The following CDK14 variants were observed in gnomAD, a reference collection of about 807,000 sequenced individuals.
CDK14 encodes the protein cyclin dependent kinase 14, also known as cyclin-dependent kinase 14.
A neutral mutation model predicts 60.7 loss-of-function variants in CDK14; 34 were observed. That is an observed-to-expected ratio of 0.56 (90% CI 0.43 to 0.75). The LOEUF is 0.75. Among genes scored for constraint, CDK14 ranks in the 30% least tolerant of loss-of-function variants. The pLI is 0.00. For missense variants in CDK14, 482 were observed against 564.1 expected (o/e 0.85, Z 1.47); for synonymous variants, 197 against 203.7 (o/e 0.97, Z 0.28).
intron 5 of CDK14, among the ~76,000 whole-genome samples, chr7:90,815,256 TTG>T (rs1158859153): frequency 1.3e-5 from 2 of 152,216 alleles, no homozygotes; most frequent in Admixed American, 6.5e-5. Flanking sequence ...AGAGTGCAGT[TTG>T]TGTTTCAATA....
chr7:91,038,899 A>G (rs1036401114), intron 10 of CDK14, among the ~76,000 whole-genome samples: 19 of 151,920 alleles, frequency 1.3e-4, no homozygotes, highest in Admixed American at 2.6e-4. Context: ...TGATTGTGAG[A>G]CCTCCCCAGC....
At chr7:90,612,136 A>G (rs1799552536) in intron 2 of CDK14, among the ~76,000 whole-genome samples, 1 of 152,038 alleles carries the variant, frequency 6.6e-6, no homozygotes, top group Admixed American at 6.5e-5. Flanking sequence ...CCTGGCTTCA[A>G]ACAGTTATCT....
intron 10 of CDK14, among the ~76,000 whole-genome samples, chr7:91,012,093 G>C (rs1415101936): frequency 2.0e-5 from 3 of 152,084 alleles, no homozygotes; most frequent in African/African-American, 7.2e-5. Context: ...CAAGTTACTT[G>C]AAACTGTTTC....
At chr7:90,817,605 T>G (rs142273489) in intron 5 of CDK14, among the ~76,000 whole-genome samples, 2,454 of 152,328 alleles carry the variant, frequency 0.016, 22 homozygotes, top group Middle Eastern at 0.027. Context: ...TTTGTTTGTT[T>G]TAAGAATTGA....
intron 3 of CDK14, among the ~76,000 whole-genome samples, chr7:90,744,056 C>T (rs1371946977): frequency 6.6e-6 from 1 of 151,508 alleles, no homozygotes; most frequent in Non-Finnish European, 1.5e-5. Context: ...GTGTTTCTCG[C>T]AGAGGGGGAT....
chr7:91,075,172 G>C (rs1373585437), intron 11 of CDK14, among the ~76,000 whole-genome samples: 1 of 152,054 alleles, frequency 6.6e-6, no homozygotes, highest in African/African-American at 2.4e-5. Context: ...ACCAAAACCA[G>C]GTGGAAACAC....
chr7:91,089,309 C>G (rs1015119792), intron 12 of CDK14, among the ~76,000 whole-genome samples: 3 of 152,086 alleles, frequency 2.0e-5, no homozygotes, highest in Admixed American at 2.0e-4. Context: ...GGGAAAACGG[C>G]ATGATAGGAC....
intron 12 of CDK14, among the ~76,000 whole-genome samples, chr7:91,079,973 G>A (rs1798437837): frequency 6.6e-6 from 1 of 152,082 alleles, no homozygotes; most frequent in Non-Finnish European, 1.5e-5. Context: ...TCTCTCATCT[G>A]ACCTTACTTC....
chr7:90,683,033 C>G (rs1563043344), intron 2 of CDK14, among the ~76,000 whole-genome samples: 1 of 152,042 alleles, frequency 6.6e-6, no homozygotes, highest in Non-Finnish European at 1.5e-5. Context: ...TATTTTTTCC[C>G]CTTGCTACTG....
chr7:90,912,537 A>G (rs551808598), intron 7 of CDK14, among the ~76,000 whole-genome samples: 1 of 152,292 alleles, frequency 6.6e-6, no homozygotes, highest in South Asian at 2.1e-4. Context: ...CATTTGTTTA[A>G]ACAAAAGGAA....
intron 14 of CDK14, among the ~76,000 whole-genome samples, chr7:91,148,448 C>T (rs187799484): frequency 6.0e-4 from 91 of 152,270 alleles, no homozygotes; most frequent in South Asian, 1.7e-3. Flanking sequence ...CTTCCATTTC[C>T]ATTTCCTCTG....
chr7:90,917,850 A>T (rs969622095), intron 8 of CDK14, 126 bp downstream of exon 8: 136 of 920,968 alleles, frequency 1.5e-4, no homozygotes, highest in Admixed American at 7.9e-5. Context: ...TTTTTTTCTG[A>T]AATGAAGGAT....
At chr7:90,863,051 G>C in intron 5 of CDK14, 124 bp from the exon 6 acceptor site, 5 of 540,352 alleles carry the variant, frequency 9.3e-6, no homozygotes, top group Middle Eastern at 4.9e-4. Context: ...ATTTTGAATT[G>C]TTATTGACTT....
At chr7:90,845,521 G>T in intron 5 of CDK14, among the ~76,000 whole-genome samples, 1 of 149,706 alleles carries the variant, frequency 6.7e-6, no homozygotes, top group Admixed American at 6.6e-5. Context: ...AAGATGAAGT[G>T]GTAGTTTAAA....
At chr7:91,064,593 G>A (rs1481069142) in intron 11 of CDK14, among the ~76,000 whole-genome samples, 1 of 152,232 alleles carries the variant, frequency 6.6e-6, no homozygotes, top group Non-Finnish European at 1.5e-5. Flanking sequence ...GTAGACTGGA[G>A]TAGAGTCCTG....
intron 5 of CDK14, among the ~76,000 whole-genome samples, chr7:90,791,874 A>AG (rs1805844705): frequency 6.8e-6 from 1 of 147,738 alleles, no homozygotes. Context: ...TCTCTGAGTT[A>AG]GGGGGAGTTT....
At position 90,596,890 on chromosome 7, in the gene CDK14, G is replaced by A. The variant is rs190868539; in HGVS notation, c.91+172G>A. On this transcript the variant is annotated intron_variant, in intron 1 of 14. Coordinates refer to ENST00000380050, the MANE Select transcript of CDK14 (RefSeq NM_001287135.2). ...CCCGGGGGAGGGCAAGGACGTAAAGGAAAGAGACCCCTCTTCCTCAGGATC... is the reference window on the plus strand; with the variant it reads ...CCCGGGGGAGGGCAAGGACGTAAAGAAAAGAGACCCCTCTTCCTCAGGATC... Among the ~76,000 whole-genome samples the A allele has an allele frequency of 1.2e-3, 180 of 152,230 alleles. 1 individual carries two copies. The highest frequency in any genetic ancestry group is 4.2e-3 in the African/African-American group (173 of 41,548).
At chr7:91,034,653 T>C (rs554478940) in intron 10 of CDK14, among the ~76,000 whole-genome samples, 1 of 152,292 alleles carries the variant, frequency 6.6e-6, no homozygotes, top group East Asian at 1.9e-4. Flanking sequence ...TTTCATTTTC[T>C]CAGTCCAGTG....
intron 12 of CDK14, among the ~76,000 whole-genome samples, chr7:91,087,937 A>AGTCT (rs1798686557): frequency 6.6e-6 from 1 of 152,182 alleles, no homozygotes; most frequent in Non-Finnish European, 1.5e-5. Flanking sequence ...ATTTGTTCTT[A>AGTCT]GTCTTGAAAC....
Sources: gnomAD v4.1 joint callset for allele counts (sites outside exome capture counted in the v4.1 genomes callset) on GRCh38, gnomAD v4.1.1 for gene constraint, MANE v1.5 for transcripts, NCBI Gene and HGNC (gene_info 2026-07-23, HGNC 2026-07-21) for gene names.